The following DENND1A variants were observed in gnomAD, a reference collection of about 807,000 sequenced individuals.
The protein encoded by DENND1A is DENN domain-containing protein 1A.
Under a neutral mutation model 113.7 loss-of-function variants are expected in DENND1A, and 51 were observed. That is an observed-to-expected ratio of 0.45 (90% CI 0.36 to 0.57). The LOEUF (loss-of-function observed/expected upper bound fraction) is 0.57, where lower values mean the gene tolerates loss of function less well. Among genes scored for constraint, DENND1A ranks in the 20% least tolerant of loss-of-function variants. The probability of loss-of-function intolerance (pLI) is 0.00; values close to 1 mark genes in which losing one functional copy is unlikely to be tolerated. For synonymous variants in DENND1A, 565 were observed against 570.8 expected, an observed-to-expected ratio of 0.99 and a Z score of 0.14; for missense variants, 1,258 against 1,395.9, an observed-to-expected ratio of 0.90 and a Z score of 1.57.
intron 1 of DENND1A, among the ~76,000 whole-genome samples, chr9:123,922,582 T>C (rs1363667584): frequency 6.6e-6 from 1 of 152,204 alleles, no homozygotes; most frequent in African/African-American, 2.4e-5. Flanking sequence ...AATCTGATCA[T>C]AGTACATCCC....
intron 11 of DENND1A, among the ~76,000 whole-genome samples, chr9:123,587,738 T>C (rs2059250146): frequency 1.3e-5 from 2 of 152,192 alleles, no homozygotes; most frequent in African/African-American, 4.8e-5. Context: ...CCTGGCATTG[T>C]CTTTACACAA....
Position 123,583,241 on chromosome 9 carries a change from G to A in DENND1A, c.795C>T (p.Val265=), listed in dbSNP as rs763429008. Residue 265 remains valine (V), a synonymous_variant, in exon 12 of 24, where the codon GTC becomes GTT. Coordinates refer to ENST00000394215, the MANE Select transcript of DENND1A (RefSeq NM_001352964.2). ...TGTTGGTGTCCACATTCAGGATCAC[G>A]ACATCATCCAGGGCCATGTTTCTGA... ...EKVRNMALDD[V]VILNVDTNTL... The A allele has an allele frequency of 1.4e-5, 22 of 1,612,258 alleles. No homozygotes were observed. Among genetic ancestry groups the A allele is most frequent in the African/African-American group, 2.7e-5 (2 of 74,776 alleles).
chr9:123,718,957 C>T (rs532763511), intron 5 of DENND1A, among the ~76,000 whole-genome samples: 27 of 152,258 alleles, frequency 1.8e-4, no homozygotes, highest in African/African-American at 6.3e-4. Flanking sequence ...GGCAGTTTCC[C>T]CCATACTGTT....
chr9:123,760,147 T>C (rs534263298), intron 4 of DENND1A, among the ~76,000 whole-genome samples: 1 of 152,316 alleles, frequency 6.6e-6, no homozygotes, highest in East Asian at 1.9e-4. Context: ...ATTGGTAAAA[T>C]AGTCAAATCT....
At chr9:123,791,691 CTCAT>C (rs1380663395) in intron 3 of DENND1A, among the ~76,000 whole-genome samples, 5 of 152,106 alleles carry the variant, frequency 3.3e-5, no homozygotes, top group Non-Finnish European at 5.9e-5. Flanking sequence ...TGTACTTATC[CTCAT>C]TCAAAGACTT....
chr9:123,811,604 A>C (rs1458809996), intron 2 of DENND1A, among the ~76,000 whole-genome samples: 1 of 152,004 alleles, frequency 6.6e-6, no homozygotes, highest in African/African-American at 2.4e-5. Flanking sequence ...CTAAACATAC[A>C]AAAAATTAGC....
intron 2 of DENND1A, among the ~76,000 whole-genome samples, chr9:123,795,170 G>A (rs1833578067): frequency 6.6e-6 from 1 of 152,110 alleles, no homozygotes; most frequent in Non-Finnish European, 1.5e-5. Context: ...TAAAAAGAAA[G>A]AAAAGCAATG....
chr9:123,710,749 T>C (rs575827104), intron 5 of DENND1A, among the ~76,000 whole-genome samples: 124 of 151,352 alleles, frequency 8.2e-4, no homozygotes, highest in African/African-American at 2.9e-3. Flanking sequence ...CTTGACTCAC[T>C]GCAACCTCCA....
At chr9:123,825,028 A>G (rs1437951833) in intron 2 of DENND1A, among the ~76,000 whole-genome samples, 1 of 152,162 alleles carries the variant, frequency 6.6e-6, no homozygotes, top group East Asian at 1.9e-4. Context: ...GAATATTTTT[A>G]AGTGGGCAAG....
intron 20 of DENND1A, among the ~76,000 whole-genome samples, chr9:123,408,355 T>C (rs1326887326): frequency 2.6e-5 from 4 of 152,180 alleles, no homozygotes; most frequent in Non-Finnish European, 5.9e-5. Context: ...AAAGCACAAA[T>C]CTTCTATGAC....
intron 12 of DENND1A, among the ~76,000 whole-genome samples, chr9:123,562,409 T>C (rs1014453917): frequency 6.6e-5 from 10 of 152,110 alleles, no homozygotes; most frequent in Non-Finnish European, 8.8e-5. Flanking sequence ...TCCCGCATCC[T>C]CACCAGGAAA....
chr9:123,881,912 C>T (rs995273384), intron 1 of DENND1A, among the ~76,000 whole-genome samples: 19 of 152,246 alleles, frequency 1.2e-4, no homozygotes, highest in African/African-American at 4.6e-4. Flanking sequence ...TCATCTTACT[C>T]GGCCTGTCAA....
At chr9:123,547,010 T>C (rs1456278202) in intron 13 of DENND1A, among the ~76,000 whole-genome samples, 2 of 152,232 alleles carry the variant, frequency 1.3e-5, no homozygotes, top group African/African-American at 4.8e-5. Context: ...TACTTTTTAC[T>C]TGGGCAGTCT....
At chr9:123,410,436 G>T (rs2044215667) in intron 20 of DENND1A, among the ~76,000 whole-genome samples, 1 of 152,186 alleles carries the variant, frequency 6.6e-6, no homozygotes, top group Admixed American at 6.5e-5. Context: ...TGTCGATGGG[G>T]GGTTTGGGCC....
intron 2 of DENND1A, among the ~76,000 whole-genome samples, chr9:123,798,014 TA>T: frequency 6.6e-6 from 1 of 152,212 alleles, no homozygotes; most frequent in South Asian, 2.1e-4. Context: ...ATTTGTTATT[TA>T]AAAAAAATCT....
rs1397602326 is a variant in DENND1A at position 123,380,400 on chromosome 9, A to C, written c.*1032T>G. The C allele has an allele frequency of 6.6e-6, 1 of 152,540 alleles. No individual in the cohort carries two copies. Among genetic ancestry groups the C allele is most frequent in the East Asian group, 1.9e-4 (1 of 5,192 alleles). The allele number at this position is 152,540 out of a possible 1,614,324, so 9.4% of individuals were successfully genotyped here. On this transcript the variant is annotated 3_prime_UTR_variant, in exon 24 of 24. Transcript: ENST00000394215. ...GGCAGGTGGGGAGGGACTGGCTTCT[A>C]GCCCTCCTCCTGCTTCCCCGAGGCA...
chr9:123,595,067 G>A (rs1029089669), intron 11 of DENND1A, among the ~76,000 whole-genome samples: 2 of 152,174 alleles, frequency 1.3e-5, no homozygotes, highest in African/African-American at 4.8e-5. Context: ...TTGGAGCCAA[G>A]AGTCGCTGAT....
chr9:123,776,580 A>G (rs1169592387), intron 3 of DENND1A, among the ~76,000 whole-genome samples: 1 of 152,222 alleles, frequency 6.6e-6, no homozygotes, highest in African/African-American at 2.4e-5. Flanking sequence ...CAGCCTTCAG[A>G]TGATAGGTCT....
chr9:123,540,513 G>A (rs1185609344), intron 13 of DENND1A, among the ~76,000 whole-genome samples: 1 of 152,130 alleles, frequency 6.6e-6, no homozygotes, highest in African/African-American at 2.4e-5. Context: ...GTATTAAGAT[G>A]ACATAAGCCA....
Sources: gnomAD v4.1 joint callset for allele counts (sites outside exome capture counted in the v4.1 genomes callset) on GRCh38, gnomAD v4.1.1 for gene constraint, MANE v1.5 for transcripts, NCBI Gene and HGNC (gene_info 2026-07-23, HGNC 2026-07-21) for gene names.